The following UGT1A10 variants were observed in gnomAD, a reference collection of about 807,000 sequenced individuals.
UGT1A10 encodes the protein UDP glucuronosyltransferase family 1 member A10, also known as UDP-glucuronosyltransferase 1A10.
In UGT1A10, 49 loss-of-function variants were observed where a neutral mutation model predicts 45.8. That is an observed-to-expected ratio of 1.07 (90% CI 0.85 to 1.36). The LOEUF (loss-of-function observed/expected upper bound fraction) is 1.36. Ranked by LOEUF, UGT1A10 falls within the 40% of genes most tolerant of loss-of-function variation. UGT1A10 has a pLI of 0.00. For missense variants in UGT1A10, 745 were observed against 668.6 expected (o/e 1.11, Z -1.26); for synonymous variants, 284 against 249.7 (o/e 1.14, Z -1.29).
chr2:233,713,192 G>A, intron 1 of UGT1A10: 1 of 1,614,232 alleles, frequency 6.2e-7, no homozygotes. Flanking sequence ...AGGTGAATAT[G>A]TACATCAAAG....
intron 1 of UGT1A10, among the ~76,000 whole-genome samples, chr2:233,727,747 T>C (rs1157113585): frequency 2.0e-5 from 3 of 152,214 alleles, no homozygotes; most frequent in African/African-American, 7.2e-5. Flanking sequence ...ATCCTGCGTG[T>C]GCTGCCCTTG....
chr2:233,719,330 G>A, intron 1 of UGT1A10: 2 of 1,613,866 alleles, frequency 1.2e-6, no homozygotes, highest in Middle Eastern at 1.7e-4. Context: ...TTCCTGCTGT[G>A]TTTTTTTGGA....
At chr2:233,645,464 A>G (rs562771794) in intron 1 of UGT1A10, among the ~76,000 whole-genome samples, 1 of 152,346 alleles carries the variant, frequency 6.6e-6, no homozygotes, top group East Asian at 1.9e-4. Flanking sequence ...CATCTGAGAC[A>G]AGGCAAGTCC....
chr2:233,681,878 C>A, intron 1 of UGT1A10: 1 of 1,546,478 alleles, frequency 6.5e-7, no homozygotes, highest in Non-Finnish European at 8.7e-7. Flanking sequence ...GTACTTCTTC[C>A]ACTTACTATA....
chr2:233,650,635 A>G (rs1201167980), intron 1 of UGT1A10, among the ~76,000 whole-genome samples: 3 of 152,182 alleles, frequency 2.0e-5, no homozygotes, highest in South Asian at 2.1e-4. Flanking sequence ...TTTTTAAAGC[A>G]TCAGTGATTT....
At chr2:233,755,082 T>C (rs971081603) in intron 1 of UGT1A10, 16 of 1,336,710 alleles carry the variant, frequency 1.2e-5, no homozygotes, top group Middle Eastern at 2.1e-4. Context: ...GTCATAGATA[T>C]CGCGTTTCTA....
intron 1 of UGT1A10, chr2:233,729,111 C>G (rs773243405): frequency 2.0e-5 from 33 of 1,612,748 alleles, no homozygotes; most frequent in Admixed American, 3.3e-5. Flanking sequence ...GTCAGCTGTC[C>G]GTGTCTTCTG....
intron 1 of UGT1A10, among the ~76,000 whole-genome samples, chr2:233,680,125 C>G (rs542971913): frequency 3.3e-5 from 5 of 152,134 alleles, no homozygotes; most frequent in African/African-American, 9.6e-5. Flanking sequence ...TCTACGGTAC[C>G]TATCAAGTAA....
chr2:233,736,852 G>A (rs2078820278), intron 1 of UGT1A10, among the ~76,000 whole-genome samples: 1 of 152,188 alleles, frequency 6.6e-6, no homozygotes, highest in Non-Finnish European at 1.5e-5. Flanking sequence ...AGTGGAGGCT[G>A]CAGAACAGCA....
At chr2:233,688,283 T>A (rs2074886273) in intron 1 of UGT1A10, among the ~76,000 whole-genome samples, 1 of 152,264 alleles carries the variant, frequency 6.6e-6, no homozygotes, top group Non-Finnish European at 1.5e-5. Context: ...TTGTATGGAT[T>A]TACCGCATTT....
intron 1 of UGT1A10, among the ~76,000 whole-genome samples, chr2:233,740,072 C>T (rs1243642883): frequency 1.3e-5 from 2 of 151,828 alleles, no homozygotes; most frequent in Admixed American, 1.3e-4. Flanking sequence ...CTTTTCCTCT[C>T]TGTCTCTCGC....
intron 1 of UGT1A10, among the ~76,000 whole-genome samples, chr2:233,735,526 GT>G (rs2078663821): frequency 6.6e-6 from 1 of 152,088 alleles, no homozygotes. Flanking sequence ...GGTAAATATT[GT>G]TATGAGTGAA....
intron 1 of UGT1A10, among the ~76,000 whole-genome samples, chr2:233,717,603 G>T (rs1270322489): frequency 2.0e-5 from 3 of 152,300 alleles, no homozygotes; most frequent in East Asian, 3.9e-4. Context: ...ATGGAAAGTG[G>T]GCACAGCCCA....
intron 1 of UGT1A10, chr2:233,753,671 C>T (rs1245281633): frequency 2.0e-5 from 3 of 152,212 alleles, no homozygotes; most frequent in Admixed American, 6.5e-5. Flanking sequence ...GTGTATGGTG[C>T]CTCACCCAAA....
At chr2:233,732,356 G>A (rs946467388) in intron 1 of UGT1A10, among the ~76,000 whole-genome samples, 35 of 152,232 alleles carry the variant, frequency 2.3e-4, no homozygotes, top group Non-Finnish European at 4.6e-4. Context: ...TAGTCATGAA[G>A]TCCTGGCCCA....
intron 1 of UGT1A10, among the ~76,000 whole-genome samples, chr2:233,673,643 CT>C (rs1404768359): frequency 6.6e-6 from 1 of 152,098 alleles, no homozygotes; most frequent in East Asian, 1.9e-4. Context: ...AAATTTTTCA[CT>C]ATATAAGCAT....
At chr2:233,730,917 C>G (rs760966477) in intron 1 of UGT1A10, among the ~76,000 whole-genome samples, 3 of 152,138 alleles carry the variant, frequency 2.0e-5, no homozygotes, top group Non-Finnish European at 4.4e-5. Flanking sequence ...ATTTCAGAGG[C>G]AGCTTTCATT....
chr2:233,646,119 C>T (rs1462274348), intron 1 of UGT1A10, among the ~76,000 whole-genome samples: 1 of 152,236 alleles, frequency 6.6e-6, no homozygotes, highest in Non-Finnish European at 1.5e-5. Flanking sequence ...TCGGCACTTG[C>T]ACCTTCTGAA....
chr2:233,755,233 A>G (rs958383354), intron 1 of UGT1A10: 16 of 920,004 alleles, frequency 1.7e-5, no homozygotes, highest in Admixed American at 5.9e-5. Context: ...GACGAGGCCT[A>G]CCGGGGTACT....
Sources: gnomAD v4.1 joint callset for allele counts (sites outside exome capture counted in the v4.1 genomes callset) on GRCh38, gnomAD v4.1.1 for gene constraint, MANE v1.5 for transcripts, NCBI Gene and HGNC (gene_info 2026-07-23, HGNC 2026-07-21) for gene names.